The following CELSR2 variants were observed in gnomAD, a reference collection of about 807,000 sequenced individuals.
CELSR2 encodes cadherin EGF LAG seven-pass G-type receptor 2.
CELSR2 carries 81 observed loss-of-function variants against 251.6 expected under a neutral mutation model. The ratio of observed to expected loss-of-function variants is 0.32; its 90% CI spans 0.27 to 0.39. CELSR2 has a LOEUF of 0.39. Ranked by LOEUF, CELSR2 falls within the 10% of genes least tolerant of loss-of-function variation. The pLI, the probability that CELSR2 is intolerant of heterozygous loss-of-function variation, is 1.00. For missense variants in CELSR2, 3,365 were observed against 3,947.7 expected (o/e 0.85, Z 3.96); for synonymous variants, 1,721 against 1,670.5 (o/e 1.03, Z -0.74).
At chr1:109,258,402 G>T in intron 1 of CELSR2, 30 bp from the exon 2 acceptor site, 1 of 1,505,576 alleles carries the variant, frequency 6.6e-7, no homozygotes, top group East Asian at 2.3e-5. Context: ...GCAGCCCCAG[G>T]CTGGGTCCTG....
intron 15 of CELSR2, among the ~76,000 whole-genome samples, chr1:109,266,819 A>C (rs1656209655): frequency 6.6e-6 from 1 of 150,990 alleles, no homozygotes; most frequent in Admixed American, 6.6e-5. Context: ...TCACAGGTTC[A>C]AGCGATTCTC....
In CELSR2 at chr1:109,265,215, C is replaced by T. The variant is rs1656153114; in HGVS notation, c.5631C>T (p.Gly1877=). The T allele has an allele frequency of 3.1e-6, 5 of 1,609,526 alleles. No homozygotes were observed. The highest frequency in any genetic ancestry group is 4.2e-6 in the Non-Finnish European group (5 of 1,177,200). ...GGATTGACCAGCCTTGTCCCCGTGG[C>T]TGGTGGGGACATCCCACATGTGGCC... ...ETRIDQPCPR[G]WWGHPTCGPC... is the part of the protein sequence containing the mutation. Residue 1877 remains glycine (G), a synonymous_variant, in exon 13 of 34, where the codon GGC becomes GGT. Coordinates refer to ENST00000271332, the MANE Select transcript of CELSR2 (RefSeq NM_001408.3).
chr1:109,265,360 A>C lies in CELSR2; in HGVS notation c.5727+49A>C, dbSNP rs776553482. On this transcript the variant is annotated intron_variant, in intron 13 of 33. Coordinates refer to ENST00000271332, the MANE Select transcript of CELSR2 (RefSeq NM_001408.3). ...ACTGTGGCCACTTGGGCCTCTGTCCACATCTCCTGGGCCCTAGAGGGCAGG... is the reference window on the plus strand; with the variant it reads ...ACTGTGGCCACTTGGGCCTCTGTCCCCATCTCCTGGGCCCTAGAGGGCAGG... 3 of 1,554,176 alleles carry C rather than the reference A, an allele frequency of 1.9e-6. No individual in the cohort carries two copies. In the Admixed American group the frequency reaches 5.6e-5, roughly 29 times the overall value.
At chr1:109,271,869 C>G (rs1656381361) in intron 28 of CELSR2, 147 bp downstream of exon 28, 2 of 1,086,976 alleles carry the variant, frequency 1.8e-6, no homozygotes, top group African/African-American at 3.1e-5. Flanking sequence ...TGTGTTCGGC[C>G]TGGGGAGGAG....
Position 109,269,853 on chromosome 1 carries a change from G to A in CELSR2, c.7107+33G>A. On this transcript the variant is annotated intron_variant, in intron 22 of 33. Coordinates refer to ENST00000271332, the MANE Select transcript of CELSR2 (RefSeq NM_001408.3). The surrounding 1 kb of genome is among the most constrained non-coding windows in gnomAD (Gnocchi z 6.4). ...CCACAGGGGCAGCTGCAGAGCCGTG[G>A]GTGGGCACCCAGGGCACGGGGCTGG... is the stretch of plus-strand genomic sequence containing the variant. The A allele has an allele frequency of 6.2e-7, 1 of 1,612,980 alleles. No homozygotes were observed. Among genetic ancestry groups the A allele is most frequent in the Non-Finnish European group, 8.5e-7 (1 of 1,179,662 alleles).
chr1:109,273,915 G>A, intron 33 of CELSR2, 107 bp from the exon 34 acceptor site: 1 of 1,437,156 alleles, frequency 7.0e-7, no homozygotes, highest in Non-Finnish European at 9.8e-7. Flanking sequence ...TGGGGAGCTG[G>A]GGGTGCTTTC....
Position 109,269,800 on chromosome 1 carries a change from A to G in CELSR2, c.7087A>G (p.Met2363Val), listed in dbSNP as rs757884825. Residue 2363 changes from methionine (M) to valine (V), a missense_variant, in exon 22 of 34, where the codon ATG becomes GTG. This residue lies in a region of CELSR2 where 2,093 missense variants were observed against 2,382.8 expected (regional missense o/e 0.88). Coordinates refer to ENST00000271332, the MANE Select transcript of CELSR2 (RefSeq NM_001408.3). The surrounding 1 kb of genome is among the most constrained non-coding windows in gnomAD (Gnocchi z 6.4). ...CNHMTSFAVLMDVSRRENGEI... is the reference protein window; with the variant it reads ...CNHMTSFAVLVDVSRRENGEI... ...CCACATGACGAGCTTCGCTGTGCTC[A>G]TGGACGTTTCTCGGCGGGAGGTCGG... 6 of 1,612,810 alleles carry G rather than the reference A, an allele frequency of 3.7e-6. No individual in the cohort carries two copies. The highest frequency in any genetic ancestry group is 5.1e-6 in the Non-Finnish European group (6 of 1,179,930).
rs1380060150 is a variant in CELSR2 at position 109,249,994 on chromosome 1, G to C, written c.-86G>C. On this transcript the variant is annotated 5_prime_UTR_variant, in exon 1 of 34. Transcript: ENST00000271332. Reference sequence around the variant, plus strand: ...CCCCCGGGGACTGGCGCCCTGGCCCGGGCATGAGGCGCGGCGGGGCCGGCA... The same window carrying C: ...CCCCCGGGGACTGGCGCCCTGGCCCCGGCATGAGGCGCGGCGGGGCCGGCA... 3.4e-6 allele frequency: 4 copies of C among 1,192,502 alleles called. No homozygotes were observed. In the East Asian group the frequency reaches 1.4e-4, roughly 42 times the overall value. The allele number at this position is 1,192,502 out of a possible 1,614,324, so 73.9% of individuals were successfully genotyped here.
At position 109,261,582 on chromosome 1, in the gene CELSR2, G is replaced by A; in HGVS notation, c.4251G>A (p.Val1417=). The A allele has an allele frequency of 1.2e-6, 2 of 1,614,188 alleles. No homozygotes were observed. Among genetic ancestry groups the A allele is most frequent in the Non-Finnish European group, 8.5e-7 (1 of 1,180,030 alleles). ...GTTTCAATGAGAAGCATGACTTTGTGGCCCTCGAGGTGATCCAGGAGCAGG... is the reference window on the plus strand; with the variant it reads ...GTTTCAATGAGAAGCATGACTTTGTAGCCCTCGAGGTGATCCAGGAGCAGG... The part of the protein sequence containing the change: ...NGRFNEKHDF[V]ALEVIQEQVQ... Residue 1417 remains valine, a synonymous_variant, in exon 4 of 34, where the codon GTG becomes GTA. Transcript: ENST00000271332. This position sits in a 1 kb window ranked among gnomAD's most constrained non-coding sequence, Gnocchi z 4.8.
rs1323261653 is a variant in CELSR2 at position 109,258,678 on chromosome 1, C to T, written c.3557C>T (p.Ser1186Leu). Residue 1186 changes from serine (S) to leucine (L), a missense_variant, in exon 2 of 34, where the codon TCG becomes TTG. Physicochemically the swap from Ser to Leu is moderately radical, Grantham distance 145. Around this residue, in one of 5 missense-constraint regions of CELSR2, gnomAD observed 2,093 missense variants for 2,382.8 expected, o/e 0.88. Coordinates refer to ENST00000271332, the MANE Select transcript of CELSR2 (RefSeq NM_001408.3). ...GGCCACATCCTCAACGTGAGCCTGT[C>T]GGTGGGCCAGCCGCCAGGGCCCGGG... The part of the protein sequence containing the change: ...PGGHILNVSL[S>L]VGQPPGPGGG... 2.6e-6 allele frequency: 4 copies of T among 1,548,096 alleles called. No individual in the cohort carries two copies. Among genetic ancestry groups the T allele is most frequent in the South Asian group, 1.2e-5 (1 of 84,226 alleles).
In CELSR2 at chr1:109,252,804, G is replaced by A; in HGVS notation, c.2725G>A (p.Val909Ile). The change falls in exon 1 of 34, where the codon GTC becomes ATC. Residue 909 changes from valine (V) to isoleucine (I), a missense_variant. Coordinates refer to ENST00000271332, the MANE Select transcript of CELSR2 (RefSeq NM_001408.3). This position sits in a 1 kb window ranked among gnomAD's most constrained non-coding sequence, Gnocchi z 4.8. ...PPARTPMEVTVTVLDVNDNPP... is the reference protein window; with the variant it reads ...PPARTPMEVTITVLDVNDNPP... ...AGCCCGCACACCTATGGAAGTGACA[G>A]TCACTGTGTTGGATGTGAATGACAA... 1 of 1,614,046 alleles carries A rather than the reference G, an allele frequency of 6.2e-7. No individual in the cohort carries two copies. The highest frequency in any genetic ancestry group is 8.5e-7 in the Non-Finnish European group (1 of 1,180,040).
In CELSR2 at chr1:109,263,635, T is replaced by C; in HGVS notation, c.4859T>C (p.Leu1620Pro). 6.2e-7 allele frequency: 1 copy of C among 1,614,044 alleles called. No individual in the cohort carries two copies. Among genetic ancestry groups the C allele is most frequent in the Non-Finnish European group, 8.5e-7 (1 of 1,179,962 alleles). ...AQEMANPQHF[L>P]GSSLVAWHGL... Reference sequence around the variant, plus strand: ...GAAATGGCCAATCCACAGCACTTCCTGGGCAGCAGCCTGGTGGCCTGGCAT... The same window carrying C: ...GAAATGGCCAATCCACAGCACTTCCCGGGCAGCAGCCTGGTGGCCTGGCAT... Residue 1620 changes from leucine to proline, a missense_variant, in exon 9 of 34, where the codon CTG (leucine) becomes CCG (proline). By Grantham distance (98) the Leu-to-Pro change is moderately conservative. Coordinates refer to ENST00000271332, the MANE Select transcript of CELSR2 (RefSeq NM_001408.3).
chr1:109,270,669 A>G, intron 24 of CELSR2, 69 bp downstream of exon 24: 1 of 1,543,308 alleles, frequency 6.5e-7, no homozygotes. Flanking sequence ...TGTTCTCTCC[A>G]CCCACATACA....
At chr1:109,271,814 C>G (rs1337001608) in intron 28 of CELSR2, 92 bp downstream of exon 28, 1 of 1,465,878 alleles carries the variant, frequency 6.8e-7, no homozygotes, top group East Asian at 2.5e-5. Context: ...TCCCCTTTCT[C>G]TTTTCTCCAT....
At chr1:109,273,868 C>G (rs528466933) in intron 33 of CELSR2, 154 bp from the exon 34 acceptor site, 2 of 1,182,542 alleles carry the variant, frequency 1.7e-6, no homozygotes, top group East Asian at 2.3e-5. Context: ...CTAGGCTCTA[C>G]GCGGCGCAGC....
At position 109,261,824 on chromosome 1, in the gene CELSR2, G is replaced by T; in HGVS notation, c.4314G>T (p.Thr1438=). The part of the protein sequence containing the change: ...LTFSAGESTT[T]VSPFVPGGVS... ...TTTCCCCAGGGGAGTCAACCACCAC[G>T]GTGTCCCCATTCGTGCCCGGAGGAG... Residue 1438 remains threonine, a synonymous_variant, in exon 5 of 34, where the codon ACG becomes ACT. Transcript: ENST00000271332. This position sits in a 1 kb window ranked among gnomAD's most constrained non-coding sequence, Gnocchi z 4.8. The T allele has an allele frequency of 5.6e-6, 9 of 1,594,038 alleles. No homozygotes were observed. Among genetic ancestry groups the T allele is most frequent in the Non-Finnish European group, 7.7e-6 (9 of 1,168,788 alleles).
At position 109,271,007 on chromosome 1, in the gene CELSR2, A is replaced by T; in HGVS notation, c.7564A>T (p.Ser2522Cys). The change falls in exon 25 of 34, where the codon AGT becomes TGT. Residue 2522 changes from serine to cysteine, a missense_variant. Ser to Cys is a moderately radical substitution (Grantham distance 112). Around this residue, in one of 5 missense-constraint regions of CELSR2, gnomAD observed 2,093 missense variants for 2,382.8 expected, o/e 0.88. Coordinates refer to ENST00000271332, the MANE Select transcript of CELSR2 (RefSeq NM_001408.3). ...WLSIYDTLIW[S>C]FAGPVAFAVS... ...CTCCATCTATGACACGCTCATCTGGAGTTTTGCTGGCCCGGTGGCCTTTGC... is the reference window on the plus strand; with the variant it reads ...CTCCATCTATGACACGCTCATCTGGTGTTTTGCTGGCCCGGTGGCCTTTGC... 1.9e-6 allele frequency: 3 copies of T among 1,612,018 alleles called. No individual in the cohort carries two copies. Among genetic ancestry groups the T allele is most frequent in the Non-Finnish European group, 2.5e-6 (3 of 1,179,710 alleles).
chr1:109,262,977 G>A lies in CELSR2; in HGVS notation c.4708+8G>A. On this transcript the variant is annotated splice_region_variant and intron_variant, in intron 7 of 33. Transcript: ENST00000271332. ...ACAATGGCACCGTGCCTGGTATGGG[G>A]GCCCGGGGTGGAGCCAGGCTGGGAT... 1.2e-6 allele frequency: 2 copies of A among 1,609,428 alleles called. No individual in the cohort carries two copies. The highest frequency in any genetic ancestry group is 4.5e-5 in the East Asian group (2 of 44,774).
chr1:109,270,119 C>T lies in CELSR2; in HGVS notation c.7294C>T (p.Gln2432Ter). The T allele has an allele frequency of 6.2e-7, 1 of 1,613,976 alleles. No individual in the cohort carries two copies. Among genetic ancestry groups the T allele is most frequent in the Non-Finnish European group, 8.5e-7 (1 of 1,179,990 alleles). ...AQLVFLLGIN[Q>*]ADLPFACTVI... ...GCTGGTCTTCCTCCTGGGAATCAAC[C>T]AGGCTGACCTCCCTGTAAGATGCTC... The change falls in exon 23 of 34, where the codon CAG becomes TAG. Residue 2432 changes from glutamine (Q) to a stop codon, truncating the protein, a stop_gained. Coordinates refer to ENST00000271332, the MANE Select transcript of CELSR2 (RefSeq NM_001408.3). LOFTEE classifies it high-confidence loss of function.
Sources: allele counts gnomAD v4.1 joint callset (sites outside exome capture counted in the v4.1 genomes callset), GRCh38; gene constraint gnomAD v4.1.1; regional missense constraint gnomAD v4.1.1; non-coding constraint Gnocchi (gnomAD v3.1); transcripts MANE v1.5; gene names NCBI Gene and HGNC (gene_info 2026-07-23, HGNC 2026-07-21).